STAM2: variants seen among roughly 807,000 people sequenced by gnomAD.
STAM2 encodes signal transducing adaptor molecule 2, also known as signal transducing adapter molecule 2.
A neutral mutation model predicts 65.6 loss-of-function variants in STAM2; 51 were observed. The observed-to-expected ratio is 0.78, with a 90% confidence interval of 0.62 to 0.98. The LOEUF (loss-of-function observed/expected upper bound fraction) is 0.98, where lower values mean the gene tolerates loss of function less well. Among genes scored for constraint, STAM2 ranks in the 50% least tolerant of loss-of-function variants. STAM2 has a pLI of 0.00. For synonymous variants in STAM2, 198 were observed against 208.4 expected, an observed-to-expected ratio of 0.95 and a Z score of 0.43; for missense variants, 584 against 617.8, an observed-to-expected ratio of 0.95 and a Z score of 0.58.
chr2:152,148,869 A>T (rs2105549809), intron 2 of STAM2, among the ~76,000 whole-genome samples: 1 of 152,316 alleles, frequency 6.6e-6, no homozygotes, highest in South Asian at 2.1e-4. Flanking sequence ...CAAGAGACGT[A>T]TACCAGATCT....
At chr2:152,165,004 C>T (rs1027935346) in intron 1 of STAM2, among the ~76,000 whole-genome samples, 2 of 152,138 alleles carry the variant, frequency 1.3e-5, no homozygotes, top group East Asian at 1.9e-4. Context: ...CTCCACAAAA[C>T]GAGCACACTC....
intron 1 of STAM2, among the ~76,000 whole-genome samples, chr2:152,167,479 C>A (rs1214320891): frequency 1.3e-5 from 2 of 152,338 alleles, no homozygotes; most frequent in South Asian, 2.1e-4. Context: ...AAGAATGTTT[C>A]AACAATACCA....
chr2:152,147,027 G>C (rs964616119), intron 5 of STAM2, 135 bp downstream of exon 5: 21 of 741,012 alleles, frequency 2.8e-5, no homozygotes, highest in Non-Finnish European at 3.9e-5. Flanking sequence ...ACGTAAGGAA[G>C]GCACTATGCT....
chr2:152,124,118 T>C, intron 12 of STAM2, 183 bp from the exon 13 acceptor site: 3 of 555,462 alleles, frequency 5.4e-6, no homozygotes, highest in Admixed American at 6.6e-5. Flanking sequence ...GCCAAATCTA[T>C]GGAAATTTGA....
rs1182395967 is a variant in STAM2, at chr2:152,135,143, G to T, written c.799+366C>A. On this transcript the variant is annotated intron_variant, in intron 8 of 13. Coordinates refer to ENST00000263904, the MANE Select transcript of STAM2 (RefSeq NM_005843.6). ...ACCACAACCTCCCCACACCACTCCC[G>T]CTTTGCCTCTGTGGTTCACTGATGA... 2.6e-5 allele frequency among the ~76,000 whole-genome samples: 4 copies of T among 152,092 alleles called. No individual in the cohort carries two copies. In the East Asian group the frequency reaches 7.7e-4, roughly 29 times the overall value.
intron 1 of STAM2, among the ~76,000 whole-genome samples, chr2:152,152,621 A>G (rs998665498): frequency 8.5e-5 from 13 of 152,190 alleles, no homozygotes; most frequent in Non-Finnish European, 1.5e-4. Context: ...ATTCATATAC[A>G]AGTCTCTGTG....
At chr2:152,131,949 A>AT (rs1204365421) in intron 11 of STAM2, 165 bp downstream of exon 11, 3 of 574,248 alleles carry the variant, frequency 5.2e-6, no homozygotes, top group Non-Finnish European at 9.2e-6. Context: ...CAAAAACAAG[A>AT]TAAAAAGCAC....
At chr2:152,174,037 G>A (rs1161423671) in intron 1 of STAM2, among the ~76,000 whole-genome samples, 5 of 152,050 alleles carry the variant, frequency 3.3e-5, no homozygotes. Context: ...TACAACTGTA[G>A]GACTAAACTG....
At chr2:152,133,355 T>C in intron 9 of STAM2, 47 bp downstream of exon 9, 2 of 1,550,018 alleles carry the variant, frequency 1.3e-6, no homozygotes, top group Non-Finnish European at 8.9e-7. Context: ...AGATAGTACA[T>C]TTAAATGTCT....
chr2:152,160,884 G>GC (rs1240967981), intron 1 of STAM2, among the ~76,000 whole-genome samples: 6 of 150,832 alleles, frequency 4.0e-5, no homozygotes, highest in Non-Finnish European at 7.4e-5. Context: ...GGGGGGGTCA[G>GC]CCCCCCGCCT....
At chr2:152,162,391 T>A (rs1448403791) in intron 1 of STAM2, among the ~76,000 whole-genome samples, 1 of 151,724 alleles carries the variant, frequency 6.6e-6, no homozygotes, top group Non-Finnish European at 1.5e-5. Context: ...CTGGGCAACA[T>A]AGTGAGATCC....
At chr2:152,155,950 A>T (rs574145256) in intron 1 of STAM2, among the ~76,000 whole-genome samples, 1 of 152,224 alleles carries the variant, frequency 6.6e-6, no homozygotes, top group Non-Finnish European at 1.5e-5. Context: ...TTGAGGAGCC[A>T]GTATCATCAA....
chr2:152,146,814 C>A (rs1226041196), intron 5 of STAM2, among the ~76,000 whole-genome samples: 1 of 152,160 alleles, frequency 6.6e-6, no homozygotes, highest in East Asian at 1.9e-4. Context: ...TTGTCACTTA[C>A]AATCTAAATT....
intron 7 of STAM2, among the ~76,000 whole-genome samples, chr2:152,136,892 CTTTTT>C (rs746931542): frequency 2.3e-5 from 3 of 130,114 alleles, no homozygotes; most frequent in Non-Finnish European, 3.3e-5. Flanking sequence ...AAACATTTTT[CTTTTT>C]TTTTTTTTTT....
At chr2:152,146,257 G>A (rs1341295228) in intron 5 of STAM2, among the ~76,000 whole-genome samples, 1 of 108,170 alleles carries the variant, frequency 9.2e-6, no homozygotes, top group Admixed American at 1.2e-4. Context: ...GGCAACAAGA[G>A]CAAAACTCCA....
At chr2:152,165,226 C>T (rs2105566382) in intron 1 of STAM2, among the ~76,000 whole-genome samples, 1 of 151,796 alleles carries the variant, frequency 6.6e-6, no homozygotes, top group Non-Finnish European at 1.5e-5. Flanking sequence ...GAGATCAAGA[C>T]GAGCCTGGCT....
At chr2:152,144,141 C>T in intron 6 of STAM2, 128 bp from the exon 7 acceptor site, 13 of 539,400 alleles carry the variant, frequency 2.4e-5, no homozygotes, top group Admixed American at 7.0e-5. Flanking sequence ...CTACAGTTAA[C>T]TTTCGGGAGG....
intron 11 of STAM2, chr2:152,131,780 G>T: frequency 3.9e-6 from 1 of 253,776 alleles, no homozygotes; most frequent in Non-Finnish European, 7.5e-6. Flanking sequence ...GGCAATGATG[G>T]GCACGGCATG....
Position 152,120,442 on chromosome 2 carries a change from A to G in STAM2, c.*132T>C. 1 of 572,370 alleles carries G rather than the reference A, an allele frequency of 1.7e-6. No homozygotes were observed. The highest frequency in any genetic ancestry group is 3.1e-6 in the Non-Finnish European group (1 of 325,990). 35.5% of individuals were successfully genotyped at this position (572,370 alleles called of 1,614,324 possible). A position where few individuals can be genotyped will look rare whatever the true frequency, so the allele number is the denominator to read the frequency against. ...CTTTTATGGCCTTGTAGAATAAGAG[A>G]GGTTTTTGTGCTTTATTTATTCATG... On this transcript the variant is annotated 3_prime_UTR_variant, in exon 14 of 14. Transcript: ENST00000263904.
Sources: gnomAD v4.1 joint callset for allele counts (sites outside exome capture counted in the v4.1 genomes callset) on GRCh38, gnomAD v4.1.1 for gene constraint, MANE v1.5 for transcripts, NCBI Gene and HGNC (gene_info 2026-07-23, HGNC 2026-07-21) for gene names.